CSMD1: variants seen among roughly 807,000 people sequenced by gnomAD.
CSMD1 encodes CUB and Sushi multiple domains 1.
CSMD1 carries 213 observed loss-of-function variants against 417.5 expected under a neutral mutation model. The ratio of observed to expected loss-of-function variants is 0.51; its 90% confidence interval spans 0.46 to 0.57. CSMD1 has a LOEUF of 0.57. Among genes scored for constraint, CSMD1 ranks in the 20% least tolerant of loss-of-function variants. The pLI, the probability that CSMD1 is intolerant of heterozygous loss-of-function variation, is 0.00. For synonymous variants in CSMD1, 2,862 were observed against 1,736.8 expected, an observed-to-expected ratio of 1.65 and a Z score of -16.11; for missense variants, 6,923 against 4,529.7, an observed-to-expected ratio of 1.53 and a Z score of -15.17.
intron 2 of CSMD1, among the ~76,000 whole-genome samples, chr8:4,420,532 A>G (rs1026062195): frequency 2.6e-5 from 4 of 152,072 alleles, no homozygotes; most frequent in Admixed American, 1.3e-4. Context: ...ACTATTTTTA[A>G]TTTTTTTCTA....
chr8:3,262,504 A>G (rs1056207496), intron 26 of CSMD1, among the ~76,000 whole-genome samples: 2 of 151,692 alleles, frequency 1.3e-5, no homozygotes, highest in Non-Finnish European at 2.9e-5. Flanking sequence ...TGTTTATCCA[A>G]GAGGCGCTAT....
intron 7 of CSMD1, among the ~76,000 whole-genome samples, chr8:3,689,883 T>C (rs1416048770): frequency 1.3e-5 from 2 of 152,200 alleles, no homozygotes; most frequent in African/African-American, 4.8e-5. Flanking sequence ...CAGCATTTCA[T>C]AGGGATATTG....
chr8:4,963,018 C>G (rs1809609445), intron 1 of CSMD1, among the ~76,000 whole-genome samples: 2 of 152,084 alleles, frequency 1.3e-5, no homozygotes, highest in African/African-American at 2.4e-5. Context: ...ACCAGGTGCC[C>G]TGTTTATAGC....
At chr8:3,436,511 T>C (rs768075218) in intron 12 of CSMD1, among the ~76,000 whole-genome samples, 79 of 152,206 alleles carry the variant, frequency 5.2e-4, no homozygotes, top group Admixed American at 1.3e-3. Context: ...ATTATGTAAA[T>C]TAAGTGTAAT....
Position 4,515,195 on chromosome 8 carries a change from G to C in CSMD1, c.303-95130C>G, listed in dbSNP as rs76017836. On this transcript the variant is annotated intron_variant, in intron 2 of 69. Coordinates refer to ENST00000635120, the MANE Select transcript of CSMD1 (RefSeq NM_033225.6). ...ACTGCTTCTAACTTCTCTTCATTAA[G>C]TAGTTAAAAAATATTTAATGAGTCT... Among the ~76,000 whole-genome samples the C allele has an allele frequency of 2.2e-4, 34 of 152,272 alleles. 2 individuals are homozygous for C. The East Asian group carries it at 6.4e-3, about 29-fold the overall frequency.
intron 3 of CSMD1, among the ~76,000 whole-genome samples, chr8:4,335,305 G>A (rs972716043): frequency 1.3e-5 from 2 of 152,078 alleles, no homozygotes; most frequent in African/African-American, 4.8e-5. Flanking sequence ...ATAACCGGGA[G>A]GGTGAGGATT....
intron 1 of CSMD1, among the ~76,000 whole-genome samples, chr8:4,939,081 C>A (rs190017368): frequency 6.6e-5 from 10 of 152,208 alleles, no homozygotes; most frequent in African/African-American, 2.4e-4. Context: ...AATTCTCCCC[C>A]CTCTGCGGGT....
At chr8:3,980,865 G>A (rs957599191) in intron 5 of CSMD1, among the ~76,000 whole-genome samples, 6 of 152,104 alleles carry the variant, frequency 3.9e-5, no homozygotes, top group Non-Finnish European at 5.9e-5. Context: ...CTTTCAAGTT[G>A]GGAATGAAGG....
rs115241001 is a variant in CSMD1 at position 3,590,404 on chromosome 8, C to T, written c.1098-4144G>A. 8.6e-3 allele frequency among the ~76,000 whole-genome samples: 1,317 copies of T among 152,266 alleles called. 21 individuals are homozygous for T. Among genetic ancestry groups the T allele is most frequent in the African/African-American group, 0.03 (1,242 of 41,552 alleles). On this transcript the variant is annotated intron_variant, in intron 8 of 69. Transcript: ENST00000635120. ...AGGTAGTCATGTGCACTCTCCAGGACCTGAACTCGGCTCTTACTCTTCTCA... is the reference window on the plus strand; with the variant it reads ...AGGTAGTCATGTGCACTCTCCAGGATCTGAACTCGGCTCTTACTCTTCTCA...
At chr8:3,477,201 C>T (rs1030369353) in intron 11 of CSMD1, among the ~76,000 whole-genome samples, 2 of 152,136 alleles carry the variant, frequency 1.3e-5, no homozygotes, top group African/African-American at 4.8e-5. Flanking sequence ...AATGTAGCAC[C>T]TGCAATATGA....
intron 25 of CSMD1, among the ~76,000 whole-genome samples, chr8:3,291,862 C>T (rs761808067): frequency 3.3e-4 from 50 of 152,172 alleles, no homozygotes; most frequent in Non-Finnish European, 4.9e-4. Context: ...TTCTTGCCTT[C>T]TGCTAGCTTT....
At chr8:4,107,878 C>G (rs750730011) in intron 3 of CSMD1, among the ~76,000 whole-genome samples, 2 of 152,216 alleles carry the variant, frequency 1.3e-5, no homozygotes, top group Admixed American at 6.5e-5. Context: ...GAATTACTCA[C>G]TCTTTCATCT....
chr8:3,778,738 G>C (rs1300121461), intron 5 of CSMD1, among the ~76,000 whole-genome samples: 1 of 152,172 alleles, frequency 6.6e-6, no homozygotes, highest in African/African-American at 2.4e-5. Flanking sequence ...AGGGCCTTTG[G>C]AAATCAGGTT....
intron 5 of CSMD1, among the ~76,000 whole-genome samples, chr8:3,906,449 A>G (rs2129136821): frequency 6.6e-6 from 1 of 152,306 alleles, no homozygotes; most frequent in East Asian, 1.9e-4. Context: ...CTTAGAAATC[A>G]TGATATGAAT....
Position 3,052,488 on chromosome 8 carries a change from T to G in CSMD1, c.7634A>C (p.Asn2545Thr). ...CTTACACGTGGGCGGCTTCCCCTTG[T>G]TACTCCACAACCCATCTTCTTGACA... Reference protein sequence around the residue: ...AVCQEDGLWSNKGKPPTCKPV... With the variant: ...AVCQEDGLWSTKGKPPTCKPV... The change falls in exon 50 of 70, where the codon AAC (asparagine) becomes ACC (threonine). Residue 2545 changes from asparagine (N) to threonine (T), a missense_variant. By Grantham distance (65) the Asn-to-Thr change is moderately conservative. Coordinates refer to ENST00000635120, the MANE Select transcript of CSMD1 (RefSeq NM_033225.6). The G allele has an allele frequency of 3.1e-6, 5 of 1,588,188 alleles. No homozygotes were observed. The highest frequency in any genetic ancestry group is 2.7e-5 in the African/African-American group (2 of 74,644).
At chr8:3,266,604 CAAAA>C (rs60439183) in intron 26 of CSMD1, among the ~76,000 whole-genome samples, 54 of 25,500 alleles carry the variant, frequency 2.1e-3, no homozygotes, top group African/African-American at 7.6e-3. Context: ...GACTCCCTCT[CAAAA>C]AAAAAAAAAA....
intron 10 of CSMD1, among the ~76,000 whole-genome samples, chr8:3,545,090 T>C (rs779735542): frequency 1.3e-5 from 2 of 152,154 alleles, no homozygotes; most frequent in Non-Finnish European, 2.9e-5. Context: ...CTTAACAAAG[T>C]ATAAAACCTA....
intron 1 of CSMD1, among the ~76,000 whole-genome samples, chr8:4,732,753 G>C (rs772278098): frequency 6.6e-6 from 1 of 152,154 alleles, no homozygotes; most frequent in Non-Finnish European, 1.5e-5. Context: ...TAAAGACTAA[G>C]CAGGCATTTT....
chr8:4,209,403 T>C (rs1800169749), intron 3 of CSMD1, among the ~76,000 whole-genome samples: 1 of 152,032 alleles, frequency 6.6e-6, no homozygotes, highest in Admixed American at 6.6e-5. Context: ...CTCTCCAGGG[T>C]TCCTGTGGAA....
Sources: gnomAD v4.1 joint callset for allele counts (sites outside exome capture counted in the v4.1 genomes callset) on GRCh38, gnomAD v4.1.1 for gene constraint, MANE v1.5 for transcripts, NCBI Gene and HGNC (gene_info 2026-07-23, HGNC 2026-07-21) for gene names.